TNNI3K: variants seen among roughly 807,000 people sequenced by gnomAD.
The protein encoded by TNNI3K is TNNI3 interacting kinase.
Under a neutral mutation model 114.5 loss-of-function variants are expected in TNNI3K, and 140 were observed. That is an observed-to-expected ratio of 1.22 (90% CI 1.07 to 1.41). The LOEUF is 1.41. Among genes scored for constraint, TNNI3K ranks in the 40% most tolerant of loss-of-function variants. TNNI3K has a pLI of 0.00. For missense variants in TNNI3K, 1,125 were observed against 1,007.6 expected, an observed-to-expected ratio of 1.12 and a Z score of -1.58; for synonymous variants, 347 against 347.5, an observed-to-expected ratio of 1.00 and a Z score of 0.02.
At chr1:74,356,922 G>C (rs1274779462) in intron 11 of TNNI3K, among the ~76,000 whole-genome samples, 2 of 152,142 alleles carry the variant, frequency 1.3e-5, no homozygotes, top group Non-Finnish European at 2.9e-5. Flanking sequence ...GAATGTTGTT[G>C]CTCAGAAGAC....
chr1:74,418,588 G>A (rs1225299543), intron 17 of TNNI3K, among the ~76,000 whole-genome samples: 2 of 151,906 alleles, frequency 1.3e-5, no homozygotes, highest in East Asian at 3.9e-4. Flanking sequence ...ATTTTACATA[G>A]CAAAGAGCGT....
At chr1:74,252,522 C>T (rs965858996) in intron 4 of TNNI3K, among the ~76,000 whole-genome samples, 1 of 152,206 alleles carries the variant, frequency 6.6e-6, no homozygotes, top group Non-Finnish European at 1.5e-5. Context: ...GTCTCACTCA[C>T]TTCAAGAATG....
chr1:74,385,602 A>C (rs1052157621), intron 17 of TNNI3K, among the ~76,000 whole-genome samples: 1 of 152,164 alleles, frequency 6.6e-6, no homozygotes, highest in Non-Finnish European at 1.5e-5. Context: ...AAAAATCAAC[A>C]TAACTGAAAT....
intron 16 of TNNI3K, chr1:74,369,968 G>T (rs906016333): frequency 4.3e-6 from 1 of 233,048 alleles, no homozygotes; most frequent in African/African-American, 2.3e-5. Context: ...TATGCATATA[G>T]TAATTAGAAT....
At chr1:74,521,603 A>T (rs1646434475) in intron 23 of TNNI3K, among the ~76,000 whole-genome samples, 1 of 152,034 alleles carries the variant, frequency 6.6e-6, no homozygotes, top group African/African-American at 2.4e-5. Context: ...GCGTTCCTTT[A>T]TTTAGCAAAT....
At chr1:74,260,902 A>G (rs991732529) in intron 4 of TNNI3K, among the ~76,000 whole-genome samples, 1 of 152,112 alleles carries the variant, frequency 6.6e-6, no homozygotes, top group Non-Finnish European at 1.5e-5. Context: ...CCCATCAGTT[A>G]ATAGCTTAAG....
At chr1:74,433,713 T>C (rs975462296) in intron 17 of TNNI3K, among the ~76,000 whole-genome samples, 1 of 152,076 alleles carries the variant, frequency 6.6e-6, no homozygotes, top group African/African-American at 2.4e-5. Context: ...AGAGTTCATT[T>C]TGAATGTGAC....
At chr1:74,420,330 T>G (rs537323461) in intron 17 of TNNI3K, among the ~76,000 whole-genome samples, 1 of 152,240 alleles carries the variant, frequency 6.6e-6, no homozygotes, top group South Asian at 2.1e-4. Context: ...TGCACCTATT[T>G]GTTCAAAGAA....
intron 16 of TNNI3K, 50 bp from the exon 17 acceptor site, chr1:74,370,238 A>G (rs1257894564): frequency 6.8e-7 from 1 of 1,476,336 alleles, no homozygotes. Flanking sequence ...TGCTTTTTTG[A>G]TATTCGTTTT....
intron 5 of TNNI3K, among the ~76,000 whole-genome samples, chr1:74,320,216 A>G (rs762351538): frequency 1.8e-4 from 27 of 152,012 alleles, no homozygotes; most frequent in African/African-American, 6.0e-4. Flanking sequence ...TATGCTTACT[A>G]TTTTCCTTCC....
chr1:74,369,210 CT>C lies in TNNI3K; in HGVS notation c.1422del (p.Phe474LeufsTer13). ...TATTTATTTTAAACAATTGTAGGTT[CT>C]TTTGGGAAAGTATATAAAGGACGAT... ...IEFHEIIGSGSFGKVYKGRCR... is the reference protein window; with the variant it reads ...IEFHEIIGSGXFGKVYKGRCR... On this transcript the variant is annotated frameshift_variant, in exon 15 of 25. Coordinates refer to ENST00000326637, the MANE Select transcript of TNNI3K (RefSeq NM_015978.3). LOFTEE classifies it high-confidence loss of function. 1.2e-6 allele frequency: 2 copies of C among 1,609,890 alleles called. No homozygotes were observed. Among genetic ancestry groups the C allele is most frequent in the Non-Finnish European group, 1.7e-6 (2 of 1,178,414 alleles).
intron 9 of TNNI3K, among the ~76,000 whole-genome samples, chr1:74,349,597 G>A (rs1570501106): frequency 6.6e-6 from 1 of 152,142 alleles, no homozygotes; most frequent in Non-Finnish European, 1.5e-5. Context: ...AATCCATCTG[G>A]TCCTGGACTT....
chr1:74,409,331 T>C (rs771520665), intron 17 of TNNI3K, among the ~76,000 whole-genome samples: 1 of 152,184 alleles, frequency 6.6e-6, no homozygotes, highest in Non-Finnish European at 1.5e-5. Context: ...TAAGCAGTGC[T>C]CTTTTATCTA....
At chr1:74,318,456 G>T (rs1397366293) in intron 5 of TNNI3K, among the ~76,000 whole-genome samples, 2 of 152,218 alleles carry the variant, frequency 1.3e-5, no homozygotes, top group South Asian at 4.1e-4. Flanking sequence ...GCTTTATGAA[G>T]AGAGTACACT....
intron 5 of TNNI3K, among the ~76,000 whole-genome samples, chr1:74,304,533 A>C (rs1658508968): frequency 6.6e-6 from 1 of 152,176 alleles, no homozygotes; most frequent in South Asian, 2.1e-4. Flanking sequence ...ATCTTGAACT[A>C]CCAGGCTCAC....
chr1:74,393,297 A>T (rs1420739558), intron 17 of TNNI3K, among the ~76,000 whole-genome samples: 1 of 152,176 alleles, frequency 6.6e-6, no homozygotes, highest in Non-Finnish European at 1.5e-5. Flanking sequence ...GAGCATAGAA[A>T]GGATTTGAAA....
intron 4 of TNNI3K, among the ~76,000 whole-genome samples, chr1:74,265,904 A>AG (rs1655951088): frequency 1.0e-3 from 1 of 986 alleles, no homozygotes; most frequent in Non-Finnish European, 8.1e-3. Flanking sequence ...AAAGAATGGA[A>AG]GGGAAAATAC....
Position 74,405,215 on chromosome 1 carries a change from A to G in TNNI3K, c.1773-30865A>G, listed in dbSNP as rs1005597557. Among the ~76,000 whole-genome samples, 7 of 152,106 alleles carry G rather than the reference A, an allele frequency of 4.6e-5. No individual in the cohort carries two copies. The South Asian group carries it at 1.2e-3, about 27-fold the overall frequency. ...TTCAGGTGATGAGTAAAGACAAGGC[A>G]TTAGAGACGGGGGAGCATATACAAA... is the stretch of plus-strand genomic sequence containing the variant. On this transcript the variant is annotated intron_variant, in intron 17 of 24. Transcript: ENST00000326637.
chr1:74,487,395 G>A (rs1383887555), intron 21 of TNNI3K, among the ~76,000 whole-genome samples: 5 of 152,306 alleles, frequency 3.3e-5, no homozygotes, highest in African/African-American at 4.8e-5. Flanking sequence ...ATAGCCATCC[G>A]AAGTGTGAGA....
Sources: gnomAD v4.1 joint callset for allele counts (sites outside exome capture counted in the v4.1 genomes callset) on GRCh38, gnomAD v4.1.1 for gene constraint, MANE v1.5 for transcripts, NCBI Gene and HGNC (gene_info 2026-07-23, HGNC 2026-07-21) for gene names.